RTN4: variants seen among roughly 807,000 people sequenced by gnomAD.
The protein encoded by RTN4 is reticulon-4.
A neutral mutation model predicts 90.4 loss-of-function variants in RTN4; 32 were observed. The observed-to-expected ratio is 0.35, with a 90% CI of 0.27 to 0.48. RTN4 has a LOEUF of 0.48. RTN4 is among the 20% of genes least tolerant of loss of function. The pLI is 0.99. For synonymous variants in RTN4, 629 were observed against 552.5 expected (o/e 1.14, Z -1.94); for missense variants, 1,706 against 1,430.2 (o/e 1.19, Z -3.11).
the RTN4 span, among the ~76,000 whole-genome samples, chr2:55,122,839 A>T: frequency 6.6e-6 from 1 of 152,250 alleles, no homozygotes; most frequent in South Asian, 2.1e-4. Context: ...ATCTGCACAA[A>T]TAATAACTCT....
At chr2:55,015,522 G>C (rs1010757157) in intron 3 of RTN4, among the ~76,000 whole-genome samples, 12 of 151,854 alleles carry the variant, frequency 7.9e-5, no homozygotes, top group Admixed American at 7.9e-4. Flanking sequence ...CATAAAATCA[G>C]GGAAAAAAAT....
At position 55,031,789 on chromosome 2, in the gene RTN4, G is replaced by A. The variant is rs150955039; in HGVS notation, c.557-3569C>T. Among the ~76,000 whole-genome samples the A allele has an allele frequency of 7.1e-3, 1,080 of 152,172 alleles. 13 individuals carry two copies. The highest frequency in any genetic ancestry group is 0.031 in the Middle Eastern group (9 of 294). ...ACTTTTGCACAATAAAAACAGAGAC[G>A]AACAGTTTAGACAAAGGCTGTATGG... On this transcript the variant is annotated intron_variant, in intron 1 of 8. Coordinates refer to ENST00000337526, the MANE Select transcript of RTN4 (RefSeq NM_020532.5).
the RTN4 span, among the ~76,000 whole-genome samples, chr2:55,134,192 A>T: frequency 6.6e-6 from 1 of 152,064 alleles, no homozygotes; most frequent in African/African-American, 2.4e-5. Context: ...GAGGACAACC[A>T]GAGATTGCTT....
chr2:55,050,472 C>G, upstream of RTN4: 1 of 419,048 alleles, frequency 2.4e-6, no homozygotes, highest in Non-Finnish European at 4.2e-6. The surrounding 1 kb of genome is among the most constrained non-coding windows in gnomAD (Gnocchi z 4.6). Flanking sequence ...CTCCTGCCTC[C>G]GCGCCGGTGA....
In RTN4 at chr2:55,109,595, T is replaced by A. The variant is rs377394829; in HGVS notation, c.-214+2925A>T. The stretch of plus-strand genomic sequence containing the variant: ...ACTCACTTGCTATGCCCCAATTCCC[T>A]GATTCTGCTAAAACACCTTTTAGAA... On this transcript the variant is annotated intron_variant, in intron 1 of 3. Transcript: ENST00000427710. Among the ~76,000 whole-genome samples the A allele has an allele frequency of 3.3e-4, 50 of 151,564 alleles. 1 individual carries two copies. The highest frequency in any genetic ancestry group is 1.1e-3 in the Admixed American group (17 of 15,212).
At chr2:55,017,860 T>G (rs192036876) in intron 3 of RTN4, among the ~76,000 whole-genome samples, 1 of 152,284 alleles carries the variant, frequency 6.6e-6, no homozygotes, top group East Asian at 1.9e-4. Context: ...CATTGCCTAA[T>G]GGTTCAACAC....
At chr2:55,112,104 C>A (rs561349286) in intron 1 of RTN4, among the ~76,000 whole-genome samples, 6 of 152,182 alleles carry the variant, frequency 3.9e-5, no homozygotes, top group Non-Finnish European at 7.3e-5. Flanking sequence ...TTGTGAGGAG[C>A]TCAGAGGCTC....
At chr2:55,137,349 G>GCATA in the RTN4 span, among the ~76,000 whole-genome samples, 1 of 152,190 alleles carries the variant, frequency 6.6e-6, no homozygotes, top group Non-Finnish European at 1.5e-5. Flanking sequence ...CCGTGCTGAG[G>GCATA]GTGACCTCTA....
At chr2:55,094,207 T>C (rs1668993212) in intron 1 of RTN4, among the ~76,000 whole-genome samples, 1 of 152,054 alleles carries the variant, frequency 6.6e-6, no homozygotes, top group East Asian at 1.9e-4. Flanking sequence ...AGGAGAGATC[T>C]CTCTCTCTCC....
At chr2:55,040,227 T>A (rs1036286209) in intron 1 of RTN4, among the ~76,000 whole-genome samples, 3 of 152,208 alleles carry the variant, frequency 2.0e-5, no homozygotes, top group African/African-American at 7.2e-5. Context: ...AAAATTTGGT[T>A]TTTATACAAA....
rs1460663941 is a variant in RTN4, at chr2:55,049,790, AG to A, written c.510del (p.Ser171ProfsTer29). On this transcript the variant is annotated frameshift_variant, in exon 1 of 9. Transcript: ENST00000337526. LOFTEE classifies it high-confidence loss of function. ...TPPAPAPAAP[P>X]STPAAPKRRG... ...CTGCGCTTGGGCGCGGCCGGGGTGG[AG>A]GGGGGCGCGGCGGGAGCCGGGGCTG... 4.3e-6 allele frequency: 5 copies of A among 1,164,578 alleles called. No homozygotes were observed. Among genetic ancestry groups the A allele is most frequent in the South Asian group, 2.6e-5 (1 of 37,892 alleles). 72.1% of individuals were successfully genotyped at this position (1,164,578 alleles called of 1,614,324 possible). A position where few individuals can be genotyped will look rare whatever the true frequency, so the allele number is the denominator to read the frequency against.
intron 3 of RTN4, among the ~76,000 whole-genome samples, chr2:54,996,214 T>C (rs1679415301): frequency 6.6e-6 from 1 of 152,188 alleles, no homozygotes; most frequent in African/African-American, 2.4e-5. Flanking sequence ...ATGACTTAAA[T>C]AATTGGAAAG....
At chr2:54,984,280 T>C (rs934736885) in intron 4 of RTN4, among the ~76,000 whole-genome samples, 3 of 152,230 alleles carry the variant, frequency 2.0e-5, no homozygotes, top group Non-Finnish European at 2.9e-5. Flanking sequence ...GACACATGTA[T>C]ACTTGTATAT....
At position 55,010,092 on chromosome 2, in the gene RTN4, T is replaced by C. The variant is rs369483079; in HGVS notation, c.3013+14994A>G. On this transcript the variant is annotated intron_variant, in intron 3 of 8. Coordinates refer to ENST00000337526, the MANE Select transcript of RTN4 (RefSeq NM_020532.5). ...AAATTAAAAAGCAGATATACCCTTG[T>C]CCTTCCAATTTTTCTTCTGACCGTC... The C allele has an allele frequency of 4.3e-6, 7 of 1,613,640 alleles. No individual in the cohort carries two copies. In the South Asian group the frequency reaches 5.5e-5, roughly 13 times the overall value.
At chr2:55,112,568 CGAGCCT>C (rs1452551113) in exon 1 of RTN4, 1 of 152,300 alleles carries the variant, frequency 6.6e-6, no homozygotes, top group Non-Finnish European at 1.5e-5. Context: ...GCCCCTCCAG[CGAGCCT>C]GGAGCCGGGC....
At chr2:55,106,893 C>T (rs979178063) in intron 1 of RTN4, among the ~76,000 whole-genome samples, 3 of 152,072 alleles carry the variant, frequency 2.0e-5, no homozygotes, top group Non-Finnish European at 2.9e-5. Context: ...AGAAAGTGAA[C>T]CAAAAGACAG....
Position 55,025,855 on chromosome 2 carries a change from A to T in RTN4, c.2244T>A (p.Phe748Leu). The change falls in exon 3 of 9, where the codon TTT (phenylalanine) becomes TTA (leucine). Residue 748 changes from phenylalanine to leucine, a missense_variant. By Grantham distance (22) the Phe-to-Leu change is conservative. Coordinates refer to ENST00000337526, the MANE Select transcript of RTN4 (RefSeq NM_020532.5). Reference sequence around the variant, plus strand: ...GAACGTCAGGTATTGAATCATCACTAAATAAGTCAACTGGTTCAGAATCAG... The same window carrying T: ...GAACGTCAGGTATTGAATCATCACTTAATAAGTCAACTGGTTCAGAATCAG... ...SSPDSEPVDL[F>L]SDDSIPDVPQ... is the part of the protein sequence containing the mutation. The T allele has an allele frequency of 1.9e-6, 3 of 1,613,770 alleles. No homozygotes were observed. Among genetic ancestry groups the T allele is most frequent in the Non-Finnish European group, 2.5e-6 (3 of 1,179,832 alleles).
Position 54,982,557 on chromosome 2 carries a change from G to C in RTN4, c.3318C>G (p.Leu1106=), listed in dbSNP as rs1473227859. ...AATCATCAACTAAGAAGAGGCGCCT[G>C]AGTTCCTTTATCGTGCAGTTCACAT... is the stretch of plus-strand genomic sequence containing the variant. ...LGHVNCTIKE[L]RRLFLVDDLV... Residue 1106 remains leucine, a synonymous_variant, in exon 5 of 9, where the codon CTC becomes CTG. Coordinates refer to ENST00000337526, the MANE Select transcript of RTN4 (RefSeq NM_020532.5). 1 of 1,613,414 alleles carries C rather than the reference G, an allele frequency of 6.2e-7. No homozygotes were observed. The highest frequency in any genetic ancestry group is 8.5e-7 in the Non-Finnish European group (1 of 1,179,812).
intron 1 of RTN4, among the ~76,000 whole-genome samples, chr2:55,032,482 T>C (rs1474821625): frequency 2.0e-5 from 3 of 151,946 alleles, no homozygotes; most frequent in African/African-American, 7.3e-5. Context: ...TGGAGAAATA[T>C]AGACTAAAGG....
Sources: allele counts gnomAD v4.1 joint callset (sites outside exome capture counted in the v4.1 genomes callset), GRCh38; gene constraint gnomAD v4.1.1; non-coding constraint Gnocchi (gnomAD v3.1); transcripts MANE v1.5; gene names NCBI Gene and HGNC (gene_info 2026-07-23, HGNC 2026-07-21).